Variants in ARHGAP32 observed in about 807,000 individuals in gnomAD.
The protein encoded by ARHGAP32 is Rho GTPase activating protein 32, also known as rho GTPase-activating protein 32.
In ARHGAP32, 51 loss-of-function variants were observed where a neutral mutation model predicts 186.5. That is an observed-to-expected ratio of 0.27 (90% CI 0.22 to 0.35). The LOEUF (loss-of-function observed/expected upper bound fraction) is 0.35, where lower values mean the gene tolerates loss of function less well. Ranked by LOEUF, ARHGAP32 falls within the 10% of genes least tolerant of loss-of-function variation. ARHGAP32 has a pLI of 1.00. For synonymous variants in ARHGAP32, 950 were observed against 964.3 expected, an observed-to-expected ratio of 0.99 and a Z score of 0.27; for missense variants, 2,186 against 2,623.5, an observed-to-expected ratio of 0.83 and a Z score of 3.64.
In ARHGAP32 at chr11:129,097,839, A is replaced by G. The variant is rs536258575; in HGVS notation, c.445-4132T>C. Among the ~76,000 whole-genome samples the G allele has an allele frequency of 1.2e-4, 18 of 152,248 alleles. No individual in the cohort carries two copies. In the South Asian group the frequency reaches 3.5e-3, roughly 30 times the overall value. On this transcript the variant is annotated intron_variant, in intron 5 of 22. Coordinates refer to ENST00000682385, the MANE Select transcript of ARHGAP32 (RefSeq NM_001378024.1). ...AAGCTCAATGAACTCTAAGTAAGAT[A>G]AACTCAGAGAGACCCACACTAAGAC...
chr11:129,108,719 C>T (rs527887127), intron 5 of ARHGAP32, among the ~76,000 whole-genome samples: 9 of 152,268 alleles, frequency 5.9e-5, no homozygotes, highest in South Asian at 2.1e-4. Context: ...AGATATATGA[C>T]TTGCATTATT....
At chr11:129,076,231 C>G (rs1463721997) in intron 6 of ARHGAP32, among the ~76,000 whole-genome samples, 1 of 152,170 alleles carries the variant, frequency 6.6e-6, no homozygotes, top group African/African-American at 2.4e-5. Context: ...CATGAATAAT[C>G]CAACCCTTAC....
At chr11:129,083,744 T>C (rs1362681360) in intron 6 of ARHGAP32, among the ~76,000 whole-genome samples, 1 of 152,010 alleles carries the variant, frequency 6.6e-6, no homozygotes, top group Non-Finnish European at 1.5e-5. Context: ...CTAATAACAA[T>C]AATCTAAGTT....
At chr11:129,152,671 T>G (rs576134695) in intron 2 of ARHGAP32, among the ~76,000 whole-genome samples, 1 of 152,168 alleles carries the variant, frequency 6.6e-6, no homozygotes, top group East Asian at 1.9e-4. Context: ...AACTAGCATT[T>G]GACAAAATCC....
At position 128,970,699 on chromosome 11, in the gene ARHGAP32, C is replaced by T. The variant is rs1945341892; in HGVS notation, c.4514G>A (p.Cys1505Tyr). 6.2e-7 allele frequency: 1 copy of T among 1,614,104 alleles called. No individual in the cohort carries two copies. Among genetic ancestry groups the T allele is most frequent in the Non-Finnish European group, 8.5e-7 (1 of 1,180,026 alleles). The change falls in exon 23 of 23, where the codon TGT (cysteine) becomes TAT (tyrosine). Residue 1505 changes from cysteine (C) to tyrosine (Y), a missense_variant. This residue lies in a region of ARHGAP32 where 1,502 missense variants were observed against 1,570.0 expected (regional missense o/e 0.96). Coordinates refer to ENST00000682385, the MANE Select transcript of ARHGAP32 (RefSeq NM_001378024.1). This position sits in a 1 kb window ranked among gnomAD's most constrained non-coding sequence, Gnocchi z 5.8. ...GTTTGGAGTCATATTGAAATGCAAA[C>T]AGTTATCTGGACCAAAGGGTTCAGT... ...VTTEPFGPDNCLHFNMTPNCQ... is the reference protein window; with the variant it reads ...VTTEPFGPDNYLHFNMTPNCQ...
chr11:128,975,847 G>A lies in ARHGAP32; in HGVS notation c.2194+716C>T, dbSNP rs148717703. On this transcript the variant is annotated intron_variant, in intron 20 of 22. Coordinates refer to ENST00000682385, the MANE Select transcript of ARHGAP32 (RefSeq NM_001378024.1). ...GCAGATCACCTGAGGTCAGGAGTTC[G>A]AGACTAGCCTGGCCTAAGTGGCAAA... Among the ~76,000 whole-genome samples the A allele has an allele frequency of 7.5e-3, 1,134 of 152,212 alleles. 11 individuals are homozygous for A. The highest frequency in any genetic ancestry group is 0.01 in the Non-Finnish European group (710 of 68,014).
intron 11 of ARHGAP32, among the ~76,000 whole-genome samples, chr11:129,018,631 C>CA (rs1176295513): frequency 6.6e-6 from 1 of 152,154 alleles, no homozygotes; most frequent in African/African-American, 2.4e-5. Flanking sequence ...GAATCTTACT[C>CA]AGTCTATAGC....
intron 1 of ARHGAP32, among the ~76,000 whole-genome samples, chr11:129,212,264 T>C (rs1015301377): frequency 6.6e-6 from 1 of 152,196 alleles, no homozygotes; most frequent in African/African-American, 2.4e-5. Context: ...ATTAGCCATA[T>C]ATGATTAATA....
chr11:128,985,860 A>ATGTATG (rs1945857108), intron 15 of ARHGAP32, 143 bp downstream of exon 15: 4 of 93,886 alleles, frequency 4.3e-5, no homozygotes, highest in African/African-American at 1.9e-4. Flanking sequence ...GTGTGTGTGT[A>ATGTATG]TATATATATA....
chr11:128,971,095 G>C lies in ARHGAP32; in HGVS notation c.4118C>G (p.Ser1373Cys). ...AGCACCACTGTCACTGATGAAGGCA[G>C]ACGCAGGGTCATCCATGGCTCGAGG... is the stretch of plus-strand genomic sequence containing the variant. ...PEPRAMDDPA[S>C]AFISDSGAAA... Residue 1373 changes from serine (S) to cysteine (C), a missense_variant, in exon 23 of 23, where the codon TCT becomes TGT. Physicochemically the swap from Ser to Cys is moderately radical, Grantham distance 112. Around this residue, in one of 5 missense-constraint regions of ARHGAP32, gnomAD observed 1,502 missense variants for 1,570.0 expected, o/e 0.96. Coordinates refer to ENST00000682385, the MANE Select transcript of ARHGAP32 (RefSeq NM_001378024.1). 6.2e-7 allele frequency: 1 copy of C among 1,614,234 alleles called. No individual in the cohort carries two copies. Among genetic ancestry groups the C allele is most frequent in the Non-Finnish European group, 8.5e-7 (1 of 1,180,040 alleles).
At chr11:129,209,912 C>T (rs188797651) in intron 1 of ARHGAP32, among the ~76,000 whole-genome samples, 1 of 152,192 alleles carries the variant, frequency 6.6e-6, no homozygotes, top group African/African-American at 2.4e-5. Context: ...ACCAGAATGT[C>T]GGGGGATATC....
intron 2 of ARHGAP32, among the ~76,000 whole-genome samples, chr11:129,139,949 T>C (rs1943016711): frequency 6.6e-6 from 1 of 152,084 alleles, no homozygotes; most frequent in Non-Finnish European, 1.5e-5. Flanking sequence ...CACCCCATGG[T>C]TGTTCAATCA....
chr11:129,232,477 G>A (rs186308217), intron 1 of ARHGAP32, among the ~76,000 whole-genome samples: 3 of 152,216 alleles, frequency 2.0e-5, no homozygotes, highest in South Asian at 2.1e-4. Context: ...AACAACTGGC[G>A]TTATTGTTGA....
At chr11:129,184,140 G>A (rs2135538842) in intron 1 of ARHGAP32, among the ~76,000 whole-genome samples, 2 of 152,092 alleles carry the variant, frequency 1.3e-5, no homozygotes, top group African/African-American at 4.8e-5. Context: ...TGCCCCCAGG[G>A]TACTAACAAA....
At chr11:129,190,048 C>T (rs1278642586) in intron 1 of ARHGAP32, among the ~76,000 whole-genome samples, 2 of 152,154 alleles carry the variant, frequency 1.3e-5, no homozygotes, top group African/African-American at 4.8e-5. Flanking sequence ...GTAACCAATA[C>T]GACAGCTTGA....
intron 10 of ARHGAP32, among the ~76,000 whole-genome samples, chr11:129,048,496 A>T (rs190780248): frequency 2.8e-4 from 43 of 152,016 alleles, no homozygotes; most frequent in Admixed American, 2.2e-3. Context: ...TTTTTCATTA[A>T]GCCAAACAGA....
chr11:129,046,716 GA>G (rs1291520800), intron 10 of ARHGAP32, among the ~76,000 whole-genome samples: 1 of 152,084 alleles, frequency 6.6e-6, no homozygotes, highest in African/African-American at 2.4e-5. Context: ...TGGAGCTTTG[GA>G]AACAGTAGAG....
rs368720856 is a variant in ARHGAP32, at chr11:128,969,239, C to T, written c.5974G>A (p.Val1992Ile). 54 of 1,614,018 alleles carry T rather than the reference C, an allele frequency of 3.3e-5. No individual in the cohort carries two copies. Among genetic ancestry groups the T allele is most frequent in the East Asian group, 2.2e-4 (10 of 44,880 alleles). ...CTCCTCTCTGGTTTAGGGGGTGGGACGATTGACTGAGTGAGGTGTTCTTCC... is the reference window on the plus strand; with the variant it reads ...CTCCTCTCTGGTTTAGGGGGTGGGATGATTGACTGAGTGAGGTGTTCTTCC... ...KEEEHLTQSI[V>I]PPPKPERSHS... is the part of the protein sequence containing the mutation. Residue 1992 changes from valine to isoleucine, a missense_variant, in exon 23 of 23, where the codon GTC (valine) becomes ATC (isoleucine). By Grantham distance (29) the Val-to-Ile change is conservative (BLOSUM62 3). This residue lies in a region of ARHGAP32 where 1,502 missense variants were observed against 1,570.0 expected (regional missense o/e 0.96). Coordinates refer to ENST00000682385, the MANE Select transcript of ARHGAP32 (RefSeq NM_001378024.1). This position sits in a 1 kb window ranked among gnomAD's most constrained non-coding sequence, Gnocchi z 4.8.
intron 1 of ARHGAP32, among the ~76,000 whole-genome samples, chr11:129,261,752 T>G (rs904685795): frequency 5.3e-5 from 8 of 151,676 alleles, no homozygotes; most frequent in Admixed American, 5.2e-4. Context: ...AGGCAATTTG[T>G]TCTGTTAATC....
Sources: gnomAD v4.1 joint callset for allele counts (sites outside exome capture counted in the v4.1 genomes callset) on GRCh38, gnomAD v4.1.1 for gene constraint, gnomAD v4.1.1 regional missense constraint, Gnocchi (gnomAD v3.1) non-coding constraint, MANE v1.5 for transcripts, NCBI Gene and HGNC (gene_info 2026-07-23, HGNC 2026-07-21) for gene names.